CUL2: variants seen among roughly 807,000 people sequenced by gnomAD.
CUL2 encodes cullin-2.
A neutral mutation model predicts 110.2 loss-of-function variants in CUL2; 22 were observed. The ratio of observed to expected loss-of-function variants is 0.20; its 90% CI spans 0.14 to 0.28. The LOEUF is 0.28. CUL2 is among the 10% of genes least tolerant of loss of function. CUL2 has a pLI of 1.00. For synonymous variants in CUL2, 279 were observed against 293.2 expected, an observed-to-expected ratio of 0.95 and a Z score of 0.49; for missense variants, 631 against 905.5, an observed-to-expected ratio of 0.70 and a Z score of 3.89.
At chr10:35,115,698 T>A (rs887987731) in intron 1 of CUL2, among the ~76,000 whole-genome samples, 2 of 151,628 alleles carry the variant, frequency 1.3e-5, no homozygotes, top group South Asian at 4.2e-4. Context: ...GTTTGAGACC[T>A]GCCTGGGCAA....
intron 1 of CUL2, among the ~76,000 whole-genome samples, chr10:35,117,359 T>A (rs1288674552): frequency 6.6e-6 from 1 of 152,160 alleles, no homozygotes; most frequent in Non-Finnish European, 1.5e-5. Flanking sequence ...ACCTCAGCTC[T>A]CGAGTATTGG....
chr10:35,074,075 T>G, intron 1 of CUL2: 1 of 977,660 alleles, frequency 1.0e-6, no homozygotes, highest in Non-Finnish European at 1.6e-6. Context: ...TGGTGAATAC[T>G]TACTCCTTGC....
intron 1 of CUL2, among the ~76,000 whole-genome samples, chr10:35,084,262 T>C (rs1450417133): frequency 2.0e-5 from 3 of 152,064 alleles, no homozygotes; most frequent in Non-Finnish European, 1.5e-5. Flanking sequence ...GGGTGACGAG[T>C]GAAACTCTGT....
rs67257350 is a variant in CUL2, at chr10:35,103,308, ATTTTTTTTTT to A, written c.-50-2258_-50-2249del. 1.9e-4 allele frequency among the ~76,000 whole-genome samples: 18 copies of A among 94,574 alleles called. No homozygotes were observed. The East Asian group carries it at 4.1e-3, about 22-fold the overall frequency. The allele number at this position is 94,574 out of a possible 152,430, so 62.0% of individuals were successfully genotyped here. The stretch of plus-strand genomic sequence containing the variant: ...AGGCGCCCGCCACCAGGCCAAGCTA[ATTTTTTTTTT>A]TTTTTTTTTTTTTTATTTTTTTTTG... On this transcript the variant is annotated intron_variant, in intron 1 of 5. Coordinates refer to the CUL2 transcript ENST00000685421.
chr10:35,082,038 T>C (rs1288089556), intron 1 of CUL2, among the ~76,000 whole-genome samples: 2 of 152,106 alleles, frequency 1.3e-5, no homozygotes, highest in African/African-American at 4.8e-5. Flanking sequence ...GGATCAAGTT[T>C]GTAATCCCAG....
At chr10:35,021,831 CGAGGTGAGGT>C (rs773566667) in intron 17 of CUL2, among the ~76,000 whole-genome samples, 232 of 66,368 alleles carry the variant, frequency 3.5e-3, no homozygotes, top group African/African-American at 0.012. Flanking sequence ...TGAGGTGAGG[CGAGGTGAGGT>C]GAGGTGAGGT....
At position 35,076,616 on chromosome 10, in the gene CUL2, T is replaced by C. The variant is rs906420283; in HGVS notation, c.-22-5277A>G. Among the ~76,000 whole-genome samples the C allele has an allele frequency of 3.3e-5, 5 of 152,194 alleles. 1 individual carries two copies. Among genetic ancestry groups the C allele is most frequent in the African/African-American group, 1.2e-4 (5 of 41,432 alleles). On this transcript the variant is annotated intron_variant, in intron 1 of 20. Transcript: ENST00000374749. Reference sequence around the variant, plus strand: ...CTCCCATTGAATGAGGCAATAAATGTTATATGTTCCTGGGTGTATTTTATA... The same window carrying C: ...CTCCCATTGAATGAGGCAATAAATGCTATATGTTCCTGGGTGTATTTTATA...
chr10:35,021,325 C>T (rs1255911935), intron 17 of CUL2, among the ~76,000 whole-genome samples: 4 of 150,392 alleles, frequency 2.7e-5, no homozygotes, highest in Non-Finnish European at 3.0e-5. Flanking sequence ...GGCGTGATCT[C>T]GGCTCACTGC....
chr10:35,039,138 C>A, intron 8 of CUL2, 56 bp from the exon 9 acceptor site: 1 of 1,188,650 alleles, frequency 8.4e-7, no homozygotes, highest in Non-Finnish European at 1.1e-6. Flanking sequence ...GAGGAAAAAT[C>A]TGTAATATCA....
chr10:35,050,025 A>T (rs576748168), intron 5 of CUL2, among the ~76,000 whole-genome samples: 2 of 152,328 alleles, frequency 1.3e-5, no homozygotes, highest in South Asian at 4.1e-4. Flanking sequence ...ATTGATTATT[A>T]TAAAACCTTA....
At chr10:35,017,983 TG>T (rs1564696129) in intron 17 of CUL2, among the ~76,000 whole-genome samples, 1 of 151,330 alleles carries the variant, frequency 6.6e-6, no homozygotes, top group Admixed American at 6.6e-5. Context: ...ATTATTTGAT[TG>T]TTGAATGGAT....
At chr10:35,018,288 CAAAAAAAAA>C (rs11357517) in intron 17 of CUL2, among the ~76,000 whole-genome samples, 1 of 75,274 alleles carries the variant, frequency 1.3e-5, no homozygotes, top group East Asian at 5.3e-4. Flanking sequence ...CTCCATCTCA[CAAAAAAAAA>C]AAAAAAAAAA....
At chr10:35,018,744 CA>C (rs1564696861) in intron 17 of CUL2, among the ~76,000 whole-genome samples, 1 of 94,118 alleles carries the variant, frequency 1.1e-5, no homozygotes, top group African/African-American at 4.3e-5. Context: ...GCCTGGGTAA[CA>C]AGAGCGAAAC....
intron 5 of CUL2, among the ~76,000 whole-genome samples, chr10:35,053,445 T>C (rs1350809118): frequency 6.6e-6 from 1 of 152,222 alleles, no homozygotes; most frequent in Non-Finnish European, 1.5e-5. Flanking sequence ...TTGCCTACTT[T>C]TATAACAAAA....
intron 5 of CUL2, among the ~76,000 whole-genome samples, chr10:35,053,881 C>A (rs1235804407): frequency 1.3e-5 from 2 of 152,070 alleles, no homozygotes; most frequent in African/African-American, 4.8e-5. Flanking sequence ...CCATTGTATC[C>A]CCAATGCCTG....
intron 1 of CUL2, among the ~76,000 whole-genome samples, chr10:35,075,410 C>A (rs1014737806): frequency 5.9e-5 from 9 of 152,270 alleles, no homozygotes; most frequent in Non-Finnish European, 1.3e-4. Flanking sequence ...ATTTCTACCC[C>A]CCAAGCTGTC....
At position 35,010,252 on chromosome 10, in the gene CUL2, G is replaced by A. The variant is rs1386928328; in HGVS notation, c.*59C>T. On this transcript the variant is annotated 3_prime_UTR_variant, in exon 21 of 21. Coordinates refer to ENST00000374749, the MANE Select transcript of CUL2 (RefSeq NM_003591.4). ...AGGCACAGTCCTGCTTTTTCCCACA[G>A]GAACACACCAAATGGTGATGGCAAT... The A allele has an allele frequency of 2.0e-6, 3 of 1,491,906 alleles. No individual in the cohort carries two copies. The East Asian group carries it at 7.5e-5, about 37-fold the overall frequency. 92.4% of individuals were successfully genotyped at this position (1,491,906 alleles called of 1,614,324 possible). A position where few individuals can be genotyped will look rare whatever the true frequency, so the allele number is the denominator to read the frequency against.
rs150626475 is a variant in CUL2, at chr10:35,044,806, T to C, written c.569A>G (p.His190Arg). ...GAATTTTTTCTTATACTGTTCAACA[T>C]GAACAAAGGAGTTAATAACCCCATG... ...VIHGVINSFV[H>R]VEQYKKKFPL... is the part of the protein sequence containing the mutation. Residue 190 changes from histidine (H) to arginine (R), a missense_variant, in exon 7 of 21, where the codon CAT becomes CGT. Around this residue, in one of 3 missense-constraint regions of CUL2, gnomAD observed 338 missense variants for 442.5 expected, o/e 0.76. Coordinates refer to ENST00000374749, the MANE Select transcript of CUL2 (RefSeq NM_003591.4). 23 of 1,613,192 alleles carry C rather than the reference T, an allele frequency of 1.4e-5. No homozygotes were observed. Among genetic ancestry groups the C allele is most frequent in the Non-Finnish European group, 1.8e-5 (21 of 1,179,656 alleles).
chr10:35,059,212 C>T (rs1371077425), intron 4 of CUL2, among the ~76,000 whole-genome samples: 2 of 152,168 alleles, frequency 1.3e-5, no homozygotes, highest in Non-Finnish European at 2.9e-5. Flanking sequence ...GGACTGACTC[C>T]AATTTCGTAA....
Sources: allele counts gnomAD v4.1 joint callset (sites outside exome capture counted in the v4.1 genomes callset), GRCh38; gene constraint gnomAD v4.1.1; regional missense constraint gnomAD v4.1.1; transcripts MANE v1.5; gene names NCBI Gene and HGNC (gene_info 2026-07-23, HGNC 2026-07-21).